COL22A1: variants seen among roughly 807,000 people sequenced by gnomAD.
COL22A1 encodes the protein collagen type XXII alpha 1 chain.
In COL22A1, 221 loss-of-function variants were observed where a neutral mutation model predicts 248.9. The observed-to-expected ratio is 0.89, with a 90% CI of 0.80 to 0.99. COL22A1 has a LOEUF of 0.99. COL22A1 is among the 50% of genes least tolerant of loss of function. The pLI, the probability that COL22A1 is intolerant of heterozygous loss-of-function variation, is 0.00. For missense variants in COL22A1, 2,240 were observed against 2,179.0 expected (o/e 1.03, Z -0.56); for synonymous variants, 891 against 793.4 (o/e 1.12, Z -2.07).
intron 3 of COL22A1, among the ~76,000 whole-genome samples, chr8:138,851,973 C>G (rs1821675561): frequency 6.6e-6 from 1 of 151,862 alleles, no homozygotes; most frequent in South Asian, 2.1e-4. Context: ...GAGAGGACAG[C>G]ATAGCAGGTG....
chr8:138,823,515 C>T (rs1175892698), intron 6 of COL22A1, among the ~76,000 whole-genome samples: 3 of 152,192 alleles, frequency 2.0e-5, no homozygotes, highest in African/African-American at 7.2e-5. Flanking sequence ...AAGCAATTCT[C>T]CTGCTTCAGC....
chr8:138,877,345 G>A (rs1442211477), intron 3 of COL22A1, among the ~76,000 whole-genome samples: 1 of 152,184 alleles, frequency 6.6e-6, no homozygotes, highest in Non-Finnish European at 1.5e-5. Context: ...CTTCAGGCCA[G>A]ACTTTGCATG....
At chr8:138,773,379 C>G (rs973335028) in intron 16 of COL22A1, among the ~76,000 whole-genome samples, 1 of 152,192 alleles carries the variant, frequency 6.6e-6, no homozygotes, top group African/African-American at 2.4e-5. Context: ...GCCTCCATAT[C>G]CCCTTCAAAT....
chr8:138,808,766 C>T (rs180844747), intron 9 of COL22A1, among the ~76,000 whole-genome samples: 39 of 152,304 alleles, frequency 2.6e-4, no homozygotes, highest in African/African-American at 7.7e-4. Context: ...TGGCCAGCTC[C>T]GGAACACACA....
intron 64 of COL22A1, among the ~76,000 whole-genome samples, chr8:138,590,105 G>A (rs1231969935): frequency 1.4e-4 from 22 of 152,022 alleles, no homozygotes; most frequent in Non-Finnish European, 1.5e-5. Flanking sequence ...TAAGCATCAT[G>A]ACATCATATA....
chr8:138,608,114 T>A, intron 56 of COL22A1, 125 bp from the exon 57 acceptor site: 1 of 707,570 alleles, frequency 1.4e-6, no homozygotes, highest in South Asian at 2.1e-5. Context: ...CCAGTGTGGC[T>A]CTCAGTCTAC....
At chr8:138,713,716 A>AC (rs1015780041) in intron 30 of COL22A1, among the ~76,000 whole-genome samples, 2 of 41,268 alleles carry the variant, frequency 4.8e-5, no homozygotes, top group African/African-American at 1.5e-4. Flanking sequence ...GTCCACCCCC[A>AC]CCGCCCCGCC....
chr8:138,760,401 G>A (rs1007520770), intron 17 of COL22A1, 114 bp from the exon 18 acceptor site: 8 of 956,814 alleles, frequency 8.4e-6, no homozygotes, highest in Non-Finnish European at 1.2e-5. Flanking sequence ...CTTTTCTTCA[G>A]AAGCCAAAGT....
chr8:138,786,103 T>C (rs1228171870), intron 12 of COL22A1, among the ~76,000 whole-genome samples: 1 of 152,194 alleles, frequency 6.6e-6, no homozygotes, highest in African/African-American at 2.4e-5. Flanking sequence ...AGTCTTGGTC[T>C]TCATTTGTAA....
chr8:138,603,047 A>G (rs138725402), intron 59 of COL22A1, among the ~76,000 whole-genome samples: 14 of 152,352 alleles, frequency 9.2e-5, no homozygotes, highest in Non-Finnish European at 1.8e-4. Flanking sequence ...CTCTTGGTTG[A>G]TAGACTCTAC....
intron 22 of COL22A1, among the ~76,000 whole-genome samples, chr8:138,750,389 G>A (rs1344543987): frequency 3.3e-5 from 5 of 152,180 alleles, no homozygotes; most frequent in Admixed American, 6.5e-5. Flanking sequence ...ACCAAAGATC[G>A]AAGTTAACCA....
intron 16 of COL22A1, among the ~76,000 whole-genome samples, chr8:138,772,001 G>A (rs1834407639): frequency 6.6e-6 from 1 of 152,218 alleles, no homozygotes; most frequent in South Asian, 2.1e-4. Context: ...TTCTCCCTGT[G>A]ATGTTTCCTG....
At chr8:138,818,452 T>C (rs1818854124) in intron 7 of COL22A1, among the ~76,000 whole-genome samples, 1 of 152,220 alleles carries the variant, frequency 6.6e-6, no homozygotes, top group African/African-American at 2.4e-5. Flanking sequence ...CAGTGATCCT[T>C]ATTGTGTCAT....
chr8:138,841,271 C>T (rs533821691), intron 4 of COL22A1, among the ~76,000 whole-genome samples: 15 of 152,268 alleles, frequency 9.9e-5, no homozygotes, highest in Admixed American at 3.3e-4. Context: ...AAGAATAAAG[C>T]CCAAGTATAA....
In COL22A1 at chr8:138,821,243, T is replaced by C. The variant is rs770325700; in HGVS notation, c.1138A>G (p.Ile380Val). The change falls in exon 7 of 65, where the codon ATT (isoleucine) becomes GTT (valine). Residue 380 changes from isoleucine (I) to valine (V), a missense_variant. Transcript: ENST00000303045. ...SIQAQNVSLHIDCALVQTLPI... is the reference protein window; with the variant it reads ...SIQAQNVSLHVDCALVQTLPI... ...AGTGTCTGCACCAGCGCACAGTCAATGTGCAGGGAGACGTTCTGGGCCTGG... is the reference window on the plus strand; with the variant it reads ...AGTGTCTGCACCAGCGCACAGTCAACGTGCAGGGAGACGTTCTGGGCCTGG... 4.3e-6 allele frequency: 7 copies of C among 1,614,066 alleles called. No individual in the cohort carries two copies. The African/African-American group carries it at 9.3e-5, about 22-fold the overall frequency.
chr8:138,591,504 G>T lies in COL22A1; in HGVS notation c.4616-3C>A. 6.5e-7 allele frequency: 1 copy of T among 1,536,298 alleles called. No individual in the cohort carries two copies. Among genetic ancestry groups the T allele is most frequent in the Non-Finnish European group, 8.8e-7 (1 of 1,138,574 alleles). On this transcript the variant is annotated splice_polypyrimidine_tract_variant and splice_region_variant and intron_variant, in intron 63 of 64. Coordinates refer to ENST00000303045, the MANE Select transcript of COL22A1 (RefSeq NM_152888.3). ...GTCACCTTTGGCTCCTCGCTCACCT[G>T]GGAAGAAAAACATGCACTTTTGATG...
chr8:138,876,430 A>G (rs1285223368), intron 3 of COL22A1, among the ~76,000 whole-genome samples: 1 of 152,150 alleles, frequency 6.6e-6, no homozygotes, highest in African/African-American at 2.4e-5. Context: ...CCTGCCTTCT[A>G]GACTATGAGC....
At chr8:138,837,481 C>T (rs1820524151) in intron 4 of COL22A1, among the ~76,000 whole-genome samples, 1 of 152,222 alleles carries the variant, frequency 6.6e-6, no homozygotes, top group East Asian at 1.9e-4. Flanking sequence ...GACCTCAATG[C>T]CCCAGAGGCT....
chr8:138,890,105 C>T (rs1479333849), intron 1 of COL22A1, among the ~76,000 whole-genome samples: 1 of 151,964 alleles, frequency 6.6e-6, no homozygotes, highest in Non-Finnish European at 1.5e-5. Flanking sequence ...ATGTAACATA[C>T]CACATAAGCA....
Sources: gnomAD v4.1 joint callset for allele counts (sites outside exome capture counted in the v4.1 genomes callset) on GRCh38, gnomAD v4.1.1 for gene constraint, MANE v1.5 for transcripts, NCBI Gene and HGNC (gene_info 2026-07-23, HGNC 2026-07-21) for gene names.